Variants in PCMTD1 observed in about 807,000 individuals in gnomAD.
PCMTD1 encodes the protein protein-L-isoaspartate O-methyltransferase domain-containing protein 1.
PCMTD1 carries 12 observed loss-of-function variants against 37.6 expected under a neutral mutation model. That is an observed-to-expected ratio of 0.32 (90% confidence interval 0.20 to 0.52). The LOEUF is 0.52. PCMTD1 is among the 20% of genes least tolerant of loss of function. PCMTD1 has a pLI of 0.97. For synonymous variants in PCMTD1, 117 were observed against 135.8 expected (o/e 0.86, Z 0.96); for missense variants, 235 against 421.3 (o/e 0.56, Z 3.87).
At chr8:51,862,148 T>C (rs2038480893) in intron 1 of PCMTD1, among the ~76,000 whole-genome samples, 1 of 152,210 alleles carries the variant, frequency 6.6e-6, no homozygotes, top group Admixed American at 6.5e-5. Context: ...AATTCAAAAA[T>C]GCACTACATA....
intron 5 of PCMTD1, chr8:51,826,871 G>A (rs2037928424): frequency 2.4e-6 from 2 of 847,654 alleles, no homozygotes; most frequent in Non-Finnish European, 1.4e-6. Context: ...ACCACAGAAA[G>A]AAATAGGATT....
chr8:51,869,383 C>T (rs925422627), intron 1 of PCMTD1, among the ~76,000 whole-genome samples: 4 of 152,066 alleles, frequency 2.6e-5, no homozygotes, highest in South Asian at 2.1e-4. Context: ...TGTATTGATC[C>T]GGCCAAATCC....
rs142844134 is a variant in PCMTD1, at chr8:51,868,134, G to C, written c.-95-6888C>G. ...TGCTAAAGATTAAATAGGATTTTAAGGAAAAACCAAAACTATAAAGAGAAC... is the reference window on the plus strand; with the variant it reads ...TGCTAAAGATTAAATAGGATTTTAACGAAAAACCAAAACTATAAAGAGAAC... On this transcript the variant is annotated intron_variant, in intron 1 of 5. Transcript: ENST00000522514. Among the ~76,000 whole-genome samples the C allele has an allele frequency of 2.9e-4, 44 of 152,178 alleles. 1 individual carries two copies. In the East Asian group the frequency reaches 8.5e-3, roughly 29 times the overall value.
At chr8:51,882,818 T>TAAAA (rs34942203) in intron 1 of PCMTD1, among the ~76,000 whole-genome samples, 1 of 137,568 alleles carries the variant, frequency 7.3e-6, no homozygotes, top group Non-Finnish European at 1.5e-5. Context: ...ATAGCATACT[T>TAAAA]AAAAAAAAAA....
intron 5 of PCMTD1, chr8:51,827,297 C>T: frequency 7.9e-7 from 1 of 1,260,044 alleles, no homozygotes; most frequent in South Asian, 1.3e-5. Context: ...ATTTCAAGTA[C>T]AGTAGTCTCC....
chr8:51,877,366 G>C (rs572246193), intron 1 of PCMTD1, among the ~76,000 whole-genome samples: 8 of 152,312 alleles, frequency 5.3e-5, no homozygotes, highest in Admixed American at 1.3e-4. Context: ...AAGGAAGGAG[G>C]AAGTAACTTG....
chr8:51,833,373 T>A, intron 4 of PCMTD1, 145 bp downstream of exon 4: 1 of 550,940 alleles, frequency 1.8e-6, no homozygotes, highest in Non-Finnish European at 2.9e-6. Flanking sequence ...TGTTTCAAGT[T>A]TTTTCTAAAC....
intron 1 of PCMTD1, among the ~76,000 whole-genome samples, chr8:51,868,561 TAAAGGGGTTATA>T (rs1411747145): frequency 6.6e-6 from 1 of 152,066 alleles, no homozygotes; most frequent in African/African-American, 2.4e-5. Flanking sequence ...AAGGTAAAAT[TAAAGGGGTTATA>T]GAGAGAGCAC....
chr8:51,876,298 G>A (rs2038712252), intron 1 of PCMTD1, among the ~76,000 whole-genome samples: 2 of 152,202 alleles, frequency 1.3e-5, no homozygotes, highest in South Asian at 4.1e-4. Context: ...GGAAAGATTG[G>A]GTATAGCCTA....
chr8:51,895,239 C>G (rs190460790), intron 1 of PCMTD1, among the ~76,000 whole-genome samples: 151 of 152,228 alleles, frequency 9.9e-4, no homozygotes, highest in African/African-American at 3.6e-3. Flanking sequence ...GTTGGAGATG[C>G]CAGTTTGTGA....
intron 2 of PCMTD1, among the ~76,000 whole-genome samples, chr8:51,858,225 T>C (rs183872581): frequency 7.2e-5 from 11 of 152,254 alleles, no homozygotes; most frequent in Non-Finnish European, 8.8e-5. Context: ...TTAGCTGTGT[T>C]ACCAAATCAC....
At chr8:51,858,815 C>G (rs995480642) in intron 2 of PCMTD1, among the ~76,000 whole-genome samples, 4 of 152,146 alleles carry the variant, frequency 2.6e-5, no homozygotes, top group African/African-American at 9.7e-5. Context: ...ACTAAAGATC[C>G]ATGACTCCCT....
At chr8:51,833,724 G>A in intron 3 of PCMTD1, 35 bp from the exon 4 acceptor site, 1 of 1,575,748 alleles carries the variant, frequency 6.3e-7, no homozygotes, top group South Asian at 1.2e-5. Flanking sequence ...ATTCAATTAA[G>A]CAAAACATTA....
intron 1 of PCMTD1, among the ~76,000 whole-genome samples, chr8:51,863,573 G>A (rs2020431): frequency 0.14 from 21,061 of 152,140 alleles, 2,640 homozygotes; most frequent in African/African-American, 0.32. Flanking sequence ...GATCACCTGA[G>A]GCCAGGAGTT....
At chr8:51,827,818 T>C (rs2037942692) in intron 5 of PCMTD1, among the ~76,000 whole-genome samples, 1 of 152,186 alleles carries the variant, frequency 6.6e-6, no homozygotes, top group South Asian at 2.1e-4. Context: ...TTTTTTTTAA[T>C]TTAGGCTCCT....
chr8:51,873,445 T>A (rs1271881842), intron 1 of PCMTD1, among the ~76,000 whole-genome samples: 1 of 152,236 alleles, frequency 6.6e-6, no homozygotes, highest in Non-Finnish European at 1.5e-5. Flanking sequence ...CTTTTCTGAA[T>A]GAACCAGAGA....
chr8:51,874,522 T>C (rs2038685136), intron 1 of PCMTD1, among the ~76,000 whole-genome samples: 1 of 152,214 alleles, frequency 6.6e-6, no homozygotes, highest in Non-Finnish European at 1.5e-5. Context: ...AAAATTACTT[T>C]CAACTTGGTT....
intron 3 of PCMTD1, among the ~76,000 whole-genome samples, chr8:51,842,940 G>A (rs972381193): frequency 2.0e-5 from 3 of 151,988 alleles, no homozygotes; most frequent in Non-Finnish European, 2.9e-5. Context: ...ATTTTCCTCA[G>A]TTATCTTATA....
intron 2 of PCMTD1, chr8:51,849,840 T>C (rs1323603231): frequency 5.7e-6 from 3 of 522,458 alleles, no homozygotes; most frequent in Non-Finnish European, 1.0e-5. Context: ...TTTATGTCTA[T>C]GTTCGCCCCT....
Sources: gnomAD v4.1 joint callset for allele counts (sites outside exome capture counted in the v4.1 genomes callset) on GRCh38, gnomAD v4.1.1 for gene constraint, MANE v1.5 for transcripts, NCBI Gene and HGNC (gene_info 2026-07-23, HGNC 2026-07-21) for gene names.